The following ULK4 variants were observed in gnomAD, a reference collection of about 807,000 sequenced individuals.
The protein encoded by ULK4 is inactive serine/threonine-protein kinase ULK4.
In ULK4, 133 loss-of-function variants were observed where a neutral mutation model predicts 160.6. The observed-to-expected ratio is 0.83, with a 90% CI of 0.72 to 0.96. The LOEUF (loss-of-function observed/expected upper bound fraction) is 0.96, where lower values mean the gene tolerates loss of function less well. Among genes scored for constraint, ULK4 ranks in the 40% least tolerant of loss-of-function variants. The pLI is 0.00. For synonymous variants in ULK4, 534 were observed against 539.8 expected (o/e 0.99, Z 0.15); for missense variants, 1,580 against 1,499.5 (o/e 1.05, Z -0.89).
rs2034730975 is a variant in ULK4 at position 41,651,289 on chromosome 3, A to G, written c.3071+12318T>C. On this transcript the variant is annotated intron_variant, in intron 30 of 36. Transcript: ENST00000301831. Reference sequence around the variant, plus strand: ...CACAGCCAATTAGCTCCCTCTCCTCAATCCTACATTTCACCTTCCCAAAGA... The same window carrying G: ...CACAGCCAATTAGCTCCCTCTCCTCGATCCTACATTTCACCTTCCCAAAGA... Among the ~76,000 whole-genome samples, 5 of 152,168 alleles carry G rather than the reference A, an allele frequency of 3.3e-5. No individual in the cohort carries two copies. In the South Asian group the frequency reaches 1.0e-3, roughly 32 times the overall value.
intron 17 of ULK4, chr3:41,859,653 TTTTG>T (rs1281598305): frequency 2.5e-5 from 7 of 280,472 alleles, no homozygotes; most frequent in Non-Finnish European, 4.7e-5. Context: ...ATTCCTTCTT[TTTTG>T]TTTGTTTTGT....
intron 27 of ULK4, among the ~76,000 whole-genome samples, chr3:41,697,901 A>C (rs1370233449): frequency 6.6e-6 from 1 of 152,180 alleles, no homozygotes; most frequent in Non-Finnish European, 1.5e-5. Flanking sequence ...CTCACTACTG[A>C]CTCACTCAAA....
intron 22 of ULK4, among the ~76,000 whole-genome samples, chr3:41,739,562 G>T (rs1238264970): frequency 6.6e-6 from 1 of 151,876 alleles, no homozygotes; most frequent in Non-Finnish European, 1.5e-5. Flanking sequence ...TAGTAGGATG[G>T]TCAGGAACTC....
At chr3:41,748,351 A>G (rs2038494558) in intron 22 of ULK4, among the ~76,000 whole-genome samples, 1 of 151,918 alleles carries the variant, frequency 6.6e-6, no homozygotes, top group African/African-American at 2.4e-5. Flanking sequence ...AAATGGCAAT[A>G]CATATATTAA....
At chr3:41,647,468 T>C (rs2034551810) in intron 30 of ULK4, among the ~76,000 whole-genome samples, 1 of 152,230 alleles carries the variant, frequency 6.6e-6, no homozygotes, top group Non-Finnish European at 1.5e-5. Flanking sequence ...CTCCAGACCC[T>C]GTTTGCCTGG....
At chr3:41,487,492 G>A (rs1293435247) in intron 32 of ULK4, among the ~76,000 whole-genome samples, 1 of 152,094 alleles carries the variant, frequency 6.6e-6, no homozygotes, top group Non-Finnish European at 1.5e-5. Context: ...TCCAATACAG[G>A]AATTAAGAGC....
chr3:41,367,340 G>A (rs2081272717), intron 35 of ULK4, among the ~76,000 whole-genome samples: 1 of 152,166 alleles, frequency 6.6e-6, no homozygotes, highest in Non-Finnish European at 1.5e-5. Flanking sequence ...AGTGAGAAAT[G>A]GATGAGAAAA....
intron 15 of ULK4, among the ~76,000 whole-genome samples, chr3:41,896,469 G>C (rs1474249561): frequency 6.6e-6 from 1 of 152,082 alleles, no homozygotes; most frequent in Non-Finnish European, 1.5e-5. Context: ...GGCCAGGCTG[G>C]TTTCGAACTC....
At position 41,843,831 on chromosome 3, in the gene ULK4, C is replaced by T. The variant is rs577060890; in HGVS notation, c.1657-7860G>A. On this transcript the variant is annotated intron_variant, in intron 17 of 36. Transcript: ENST00000301831. ...CCCACATCCTGCTGATTGGTAGAGC[C>T]GAGTGGTCTGTTTTGGCAGGGCACT... Among the ~76,000 whole-genome samples, 8 of 152,118 alleles carry T rather than the reference C, an allele frequency of 5.3e-5. 1 individual carries two copies. The South Asian group carries it at 1.0e-3, about 20-fold the overall frequency.
At chr3:41,568,043 C>G (rs907648045) in intron 31 of ULK4, among the ~76,000 whole-genome samples, 1 of 152,142 alleles carries the variant, frequency 6.6e-6, no homozygotes, top group African/African-American at 2.4e-5. Flanking sequence ...CTTTTCTGTT[C>G]CAGAATTCAA....
At chr3:41,801,357 G>A (rs2040454931) in intron 19 of ULK4, among the ~76,000 whole-genome samples, 1 of 152,074 alleles carries the variant, frequency 6.6e-6, no homozygotes, top group Admixed American at 6.6e-5. Flanking sequence ...TCAGTGAACT[G>A]TAGGACGCCT....
At chr3:41,477,645 T>C (rs1233806397) in intron 32 of ULK4, among the ~76,000 whole-genome samples, 1 of 152,172 alleles carries the variant, frequency 6.6e-6, no homozygotes, top group Non-Finnish European at 1.5e-5. Context: ...ATCAGTTAAG[T>C]TAAAAAGTCT....
chr3:41,906,043 C>G (rs547789528), intron 12 of ULK4, among the ~76,000 whole-genome samples: 1 of 151,966 alleles, frequency 6.6e-6, no homozygotes, highest in East Asian at 1.9e-4. Context: ...CGGTGAAACC[C>G]CGTCTGCACT....
chr3:41,775,745 T>C (rs968679514), intron 21 of ULK4, among the ~76,000 whole-genome samples: 1 of 150,868 alleles, frequency 6.6e-6, no homozygotes, highest in Non-Finnish European at 1.5e-5. Context: ...AATATGGAAA[T>C]GAACTACTCA....
chr3:41,757,043 G>GA (rs932004076), intron 21 of ULK4, among the ~76,000 whole-genome samples: 11 of 133,060 alleles, frequency 8.3e-5, no homozygotes, highest in Non-Finnish European at 4.5e-5. Flanking sequence ...ACACTATAAA[G>GA]AAAAAAACCA....
intron 30 of ULK4, among the ~76,000 whole-genome samples, chr3:41,652,720 CAT>C (rs2034790955): frequency 6.6e-6 from 1 of 152,210 alleles, no homozygotes; most frequent in African/African-American, 2.4e-5. Flanking sequence ...TTTTTATCCA[CAT>C]GACACTGAGA....
intron 32 of ULK4, among the ~76,000 whole-genome samples, chr3:41,544,564 T>C (rs1559381800): frequency 6.6e-6 from 1 of 152,222 alleles, no homozygotes. Context: ...CAGTGGATAT[T>C]TCCTTCCCTA....
At position 41,942,955 on chromosome 3, in the gene ULK4, T is replaced by A. The variant is rs370841841; in HGVS notation, c.139-4758A>T. On this transcript the variant is annotated intron_variant, in intron 2 of 36. Transcript: ENST00000301831. ...TAGGCTGGGCACGGTGGCTCAGGCC[T>A]GTAATCCCAGCACTTTGGGAGGCCG... Among the ~76,000 whole-genome samples, 3 of 152,316 alleles carry A rather than the reference T, an allele frequency of 2.0e-5. No individual in the cohort carries two copies. The East Asian group carries it at 5.8e-4, about 29-fold the overall frequency.
At chr3:41,647,004 A>C (rs2034526185) in intron 30 of ULK4, among the ~76,000 whole-genome samples, 1 of 152,218 alleles carries the variant, frequency 6.6e-6, no homozygotes, top group Non-Finnish European at 1.5e-5. Context: ...AGGCTTCTGC[A>C]TTCTTCATGT....
Sources: gnomAD v4.1 joint callset for allele counts (sites outside exome capture counted in the v4.1 genomes callset) on GRCh38, gnomAD v4.1.1 for gene constraint, MANE v1.5 for transcripts, NCBI Gene and HGNC (gene_info 2026-07-23, HGNC 2026-07-21) for gene names.